The following PSTPIP1 variants were observed in gnomAD, a reference collection of about 807,000 sequenced individuals.
PSTPIP1 encodes the protein proline-serine-threonine phosphatase interacting protein 1, also known as proline-serine-threonine phosphatase-interacting protein 1.
In PSTPIP1, 66 loss-of-function variants were observed where a neutral mutation model predicts 69.6. That is an observed-to-expected ratio of 0.95 (90% confidence interval 0.78 to 1.16). The LOEUF is 1.16. Ranked by LOEUF, PSTPIP1 falls within the 50% of genes most tolerant of loss-of-function variation. The probability of loss-of-function intolerance (pLI) is 0.00; values close to 1 mark genes in which losing one functional copy is unlikely to be tolerated. For missense variants in PSTPIP1, 603 were observed against 557.4 expected (o/e 1.08, Z -0.82); for synonymous variants, 266 against 222.7 (o/e 1.19, Z -1.73).
At chr15:77,018,323 C>G in intron 2 of PSTPIP1, 75 bp downstream of exon 2, 1 of 1,534,852 alleles carries the variant, frequency 6.5e-7, no homozygotes. Context: ...GGACAGTGGA[C>G]GAGGCCCCCA....
chr15:77,001,810 T>C (rs902888817), intron 1 of PSTPIP1, among the ~76,000 whole-genome samples: 1 of 152,138 alleles, frequency 6.6e-6, no homozygotes, highest in African/African-American at 2.4e-5. Context: ...ACAACAAAAA[T>C]CTGTGGACGG....
At position 77,018,455 on chromosome 15, in the gene PSTPIP1, A is replaced by G; in HGVS notation, c.138-2A>G. The G allele has an allele frequency of 6.3e-7, 1 of 1,575,808 alleles. No homozygotes were observed. Among genetic ancestry groups the G allele is most frequent in the Non-Finnish European group, 8.6e-7 (1 of 1,160,526 alleles). ...ATCTTTCAAATGCCCTTTTTTTTGC[A>G]GGGCCCAGGCGGAGGAGCGGTACGG... is the stretch of plus-strand genomic sequence containing the variant. On this transcript the variant is annotated splice_acceptor_variant, in intron 2 of 14. Coordinates refer to ENST00000558012, the MANE Select transcript of PSTPIP1 (RefSeq NM_003978.5). LOFTEE classifies it high-confidence loss of function.
Position 77,037,239 on chromosome 15 carries a change from G to C in PSTPIP1, c.*63G>C. 1 of 1,541,278 alleles carries C rather than the reference G, an allele frequency of 6.5e-7. No homozygotes were observed. The highest frequency in any genetic ancestry group is 8.7e-7 in the Non-Finnish European group (1 of 1,143,590). Reference sequence around the variant, plus strand: ...TGGAGCCAGCAGTGCCCCCAGCACTGTCCCCACCTTGCTAGGGCCCAGAAC... The same window carrying C: ...TGGAGCCAGCAGTGCCCCCAGCACTCTCCCCACCTTGCTAGGGCCCAGAAC... On this transcript the variant is annotated 3_prime_UTR_variant, in exon 15 of 15. Transcript: ENST00000558012.
chr15:77,007,695 C>T lies in PSTPIP1; in HGVS notation c.37-10453C>T, dbSNP rs867250352. On this transcript the variant is annotated intron_variant, in intron 1 of 14. Transcript: ENST00000558012. Reference sequence around the variant, plus strand: ...CTGCAAGCTCCGCCTCCTGGGTTCACGCCATTCTCCTGCCTCAGCCTCCCG... The same window carrying T: ...CTGCAAGCTCCGCCTCCTGGGTTCATGCCATTCTCCTGCCTCAGCCTCCCG... Among the ~76,000 whole-genome samples, 80 of 151,686 alleles carry T rather than the reference C, an allele frequency of 5.3e-4. No individual in the cohort carries two copies. The Middle Eastern group carries it at 0.014, about 26-fold the overall frequency.
At chr15:77,003,084 C>G (rs1459791199) in intron 1 of PSTPIP1, among the ~76,000 whole-genome samples, 1 of 152,186 alleles carries the variant, frequency 6.6e-6, no homozygotes, top group Non-Finnish European at 1.5e-5. Context: ...GGTCTCTGCC[C>G]TAAGTGGTGG....
rs1568477018 is a variant in PSTPIP1 at position 76,995,534 on chromosome 15, G to A, written c.-40G>A. ...GCCTGGCCCTCCATCAGGCCAGCCT[G>A]TGGCAGGAGAGTGAGCTTTGCCGCG... On this transcript the variant is annotated 5_prime_UTR_variant, in exon 1 of 15. The change creates a new upstream start codon in the 5' untranslated region. Coordinates refer to ENST00000558012, the MANE Select transcript of PSTPIP1 (RefSeq NM_003978.5). 1 of 1,613,694 alleles carries A rather than the reference G, an allele frequency of 6.2e-7. No individual in the cohort carries two copies. The highest frequency in any genetic ancestry group is 1.1e-5 in the South Asian group (1 of 91,082).
At chr15:77,036,075 C>A in intron 14 of PSTPIP1, 140 bp downstream of exon 14, 1 of 1,185,564 alleles carries the variant, frequency 8.4e-7, no homozygotes, top group Non-Finnish European at 1.1e-6. Context: ...CAGGAGGGCA[C>A]GTGTGCCCGA....
intron 3 of PSTPIP1, among the ~76,000 whole-genome samples, chr15:77,022,452 G>A (rs2076180871): frequency 6.6e-6 from 1 of 152,264 alleles, no homozygotes; most frequent in African/African-American, 2.4e-5. Flanking sequence ...ACTGGTGACA[G>A]ATGGCAGTAG....
chr15:77,031,298 G>A lies in PSTPIP1; in HGVS notation c.741+20G>A. Reference sequence around the variant, plus strand: ...GATGAGGTGGGGGCTGAGGGCCTTGGTGTGGGGTAAGGTAGGGCAGCCTCT... The same window carrying A: ...GATGAGGTGGGGGCTGAGGGCCTTGATGTGGGGTAAGGTAGGGCAGCCTCT... On this transcript the variant is annotated intron_variant, in intron 10 of 14. Transcript: ENST00000558012. 11 of 1,609,912 alleles carry A rather than the reference G, an allele frequency of 6.8e-6. No homozygotes were observed. Among genetic ancestry groups the A allele is most frequent in the Non-Finnish European group, 9.3e-6 (11 of 1,177,524 alleles).
rs927201853 is a variant in PSTPIP1, at chr15:76,995,289, G to A, written c.-285G>A. ...TGTCCTCCATCACCGCAGGGTCGGTGAGGGGCTGGGCTGGACACCAGGGCC... is the reference window on the plus strand; with the variant it reads ...TGTCCTCCATCACCGCAGGGTCGGTAAGGGGCTGGGCTGGACACCAGGGCC... On this transcript the variant is annotated 5_prime_UTR_variant, in exon 1 of 15. Transcript: ENST00000558012. 3 of 1,349,094 alleles carry A rather than the reference G, an allele frequency of 2.2e-6. No individual in the cohort carries two copies. Among genetic ancestry groups the A allele is most frequent in the Non-Finnish European group, 2.9e-6 (3 of 1,045,304 alleles). The allele number at this position is 1,349,094 out of a possible 1,614,324, so 83.6% of individuals were successfully genotyped here.
Position 77,037,084 on chromosome 15 carries a change from G to T in PSTPIP1, c.1159G>T (p.Glu387Ter), listed in dbSNP as rs2076597001. The T allele has an allele frequency of 6.2e-7, 1 of 1,612,394 alleles. No homozygotes were observed. The highest frequency in any genetic ancestry group is 8.5e-7 in the Non-Finnish European group (1 of 1,179,672). The change falls in exon 15 of 15, where the codon GAG becomes TAG. Residue 387 changes from glutamate to a stop codon, truncating the protein, a stop_gained. Transcript: ENST00000558012. LOFTEE classifies it high-confidence loss of function. ...GGACCTGTCCGCGGGAGACATCCTG[G>T]AGGTGATCCTGGAAGGGGAGGATGG... ...ELDLSAGDIL[E>*]VILEGEDGWW...
chr15:77,032,462 G>A (rs777438227), intron 11 of PSTPIP1, 68 bp downstream of exon 11: 129 of 1,529,450 alleles, frequency 8.4e-5, no homozygotes, highest in Non-Finnish European at 1.1e-4. Context: ...CCGGCCCTGA[G>A]CCTCAAGTGC....
chr15:77,003,091 G>A (rs2152666151), intron 1 of PSTPIP1, among the ~76,000 whole-genome samples: 1 of 152,336 alleles, frequency 6.6e-6, no homozygotes, highest in South Asian at 2.1e-4. Context: ...GCCCTAAGTG[G>A]TGGCAGAGAT....
chr15:77,029,715 C>A, intron 8 of PSTPIP1, 141 bp downstream of exon 8: 1 of 1,031,754 alleles, frequency 9.7e-7, no homozygotes, highest in Non-Finnish European at 1.4e-6. Context: ...AGATATGTGC[C>A]GTCAAAGTAA....
At chr15:77,025,449 G>A in intron 4 of PSTPIP1, 49 bp from the exon 5 acceptor site, 1 of 1,587,962 alleles carries the variant, frequency 6.3e-7, no homozygotes, top group African/African-American at 1.3e-5. Flanking sequence ...GGGTGGCTGA[G>A]GCCCATCAGA....
chr15:77,007,982 A>G (rs537117603), intron 1 of PSTPIP1: 9 of 455,954 alleles, frequency 2.0e-5, no homozygotes, highest in African/African-American at 1.6e-4. Flanking sequence ...ATTGACCTGG[A>G]CCAGCTCTGA....
chr15:76,995,051 G>A, upstream of PSTPIP1: 5 of 1,192,516 alleles, frequency 4.2e-6, no homozygotes, highest in Non-Finnish European at 5.3e-6. Context: ...GTGGCAGGCG[G>A]GGCTGCACAG....
chr15:77,016,341 C>T (rs1032439453), intron 1 of PSTPIP1, among the ~76,000 whole-genome samples: 10 of 152,024 alleles, frequency 6.6e-5, no homozygotes, highest in Non-Finnish European at 1.2e-4. Flanking sequence ...TCTTCCCAGC[C>T]GCCAGGAGCT....
intron 1 of PSTPIP1, among the ~76,000 whole-genome samples, chr15:77,000,486 CACACACACACACACACAT>C (rs1415943127): frequency 1.3e-5 from 2 of 148,158 alleles, no homozygotes; most frequent in African/African-American, 5.3e-5. Flanking sequence ...TACACACACA[CACACACACACACACACAT>C]ACACACACAC....
Sources: gnomAD v4.1 joint callset for allele counts (sites outside exome capture counted in the v4.1 genomes callset) on GRCh38, gnomAD v4.1.1 for gene constraint, MANE v1.5 for transcripts, NCBI Gene and HGNC (gene_info 2026-07-23, HGNC 2026-07-21) for gene names.